Variants in RNGTT observed in about 807,000 individuals in gnomAD.
The protein encoded by RNGTT is RNA guanylyltransferase and 5'-phosphatase.
In RNGTT, 33 loss-of-function variants were observed where a neutral mutation model predicts 79.3. That is an observed-to-expected ratio of 0.42 (90% confidence interval 0.32 to 0.56). The LOEUF is 0.56. Among genes scored for constraint, RNGTT ranks in the 20% least tolerant of loss-of-function variants. RNGTT has a pLI of 0.17. For missense variants in RNGTT, 497 were observed against 739.1 expected (o/e 0.67, Z 3.80); for synonymous variants, 222 against 235.9 (o/e 0.94, Z 0.54).
chr6:88,803,928 G>A (rs1421782679), intron 11 of RNGTT, among the ~76,000 whole-genome samples: 2 of 152,108 alleles, frequency 1.3e-5, no homozygotes, highest in Non-Finnish European at 2.9e-5. Context: ...ATAAATCAGA[G>A]TATTTAAAGG....
chr6:88,729,490 C>T (rs1777036925), intron 13 of RNGTT, among the ~76,000 whole-genome samples: 1 of 151,564 alleles, frequency 6.6e-6, no homozygotes, highest in African/African-American at 2.4e-5. Context: ...AGGGGAGTAC[C>T]AGATCAATTT....
chr6:88,936,638 G>C (rs878889400), intron 2 of RNGTT, among the ~76,000 whole-genome samples: 5 of 152,118 alleles, frequency 3.3e-5, no homozygotes, highest in Admixed American at 2.6e-4. Context: ...ATGATCACAT[G>C]GTGTTTGTCC....
At chr6:88,878,420 G>A (rs543754647) in intron 8 of RNGTT, among the ~76,000 whole-genome samples, 390 of 152,048 alleles carry the variant, frequency 2.6e-3, no homozygotes, top group Non-Finnish European at 4.8e-3. Context: ...AAAAGCCCAA[G>A]TACTAGAATA....
chr6:88,925,069 T>G (rs1784276992), intron 4 of RNGTT, among the ~76,000 whole-genome samples: 1 of 151,970 alleles, frequency 6.6e-6, no homozygotes, highest in African/African-American at 2.4e-5. Flanking sequence ...TGTGGCCAAC[T>G]AGAAACTAAT....
At position 88,758,239 on chromosome 6, in the gene RNGTT, C is replaced by G. The variant is rs9451074; in HGVS notation, c.1439+11535G>C. Among the ~76,000 whole-genome samples the G allele has an allele frequency of 7.7e-3, 1,172 of 152,226 alleles. 8 individuals carry two copies. The highest frequency in any genetic ancestry group is 0.026 in the African/African-American group (1,087 of 41,538). On this transcript the variant is annotated intron_variant, in intron 13 of 15. Transcript: ENST00000369485. Reference sequence around the variant, plus strand: ...TTTGTGAATTGTTCCTTAATAATTACAATTTTTGATAAGAAATTACCAAAA... The same window carrying G: ...TTTGTGAATTGTTCCTTAATAATTAGAATTTTTGATAAGAAATTACCAAAA...
At chr6:88,713,503 A>G (rs1776389822) in intron 13 of RNGTT, among the ~76,000 whole-genome samples, 1 of 152,224 alleles carries the variant, frequency 6.6e-6, no homozygotes. Flanking sequence ...ATTATTTCAC[A>G]CAACAGTATT....
At chr6:88,945,406 G>A (rs896825464) in intron 1 of RNGTT, among the ~76,000 whole-genome samples, 6 of 152,164 alleles carry the variant, frequency 3.9e-5, no homozygotes, top group African/African-American at 9.7e-5. Flanking sequence ...AGCATTTCAT[G>A]TATCTGACAA....
chr6:88,713,674 G>A (rs892183289), intron 13 of RNGTT, among the ~76,000 whole-genome samples: 4 of 151,802 alleles, frequency 2.6e-5, no homozygotes, highest in Non-Finnish European at 4.4e-5. Context: ...TCTTTACATT[G>A]TAAAAAATTA....
intron 8 of RNGTT, among the ~76,000 whole-genome samples, chr6:88,868,519 T>C (rs1782249523): frequency 6.6e-6 from 1 of 152,212 alleles, no homozygotes; most frequent in African/African-American, 2.4e-5. Flanking sequence ...CTCATGACTT[T>C]CTTCACATTG....
rs567995117 is a variant in RNGTT, at chr6:88,895,066, C to T, written c.685-3151G>A. Among the ~76,000 whole-genome samples the T allele has an allele frequency of 2.8e-3, 425 of 151,926 alleles. 1 individual carries two copies. Among genetic ancestry groups the T allele is most frequent in the African/African-American group, 9.5e-3 (394 of 41,424 alleles). Reference sequence around the variant, plus strand: ...TCTGTTTGTGAAAATAAAGAAAAATCGAAAGTTAAAAAAGTATGTTTATAG... The same window carrying T: ...TCTGTTTGTGAAAATAAAGAAAAATTGAAAGTTAAAAAAGTATGTTTATAG... On this transcript the variant is annotated intron_variant, in intron 6 of 15. Transcript: ENST00000369485.
At chr6:88,728,144 T>C (rs892990195) in intron 13 of RNGTT, among the ~76,000 whole-genome samples, 3 of 152,228 alleles carry the variant, frequency 2.0e-5, no homozygotes, top group African/African-American at 7.2e-5. Flanking sequence ...TTTAACTCTC[T>C]CTCTTTCTTC....
chr6:88,760,984 T>TA (rs1778202564), intron 13 of RNGTT, among the ~76,000 whole-genome samples: 1 of 141,870 alleles, frequency 7.0e-6, no homozygotes, highest in African/African-American at 2.6e-5. Flanking sequence ...CAGCTCATTC[T>TA]ATTTTTTTTT....
At chr6:88,724,772 C>A (rs1421374733) in intron 13 of RNGTT, among the ~76,000 whole-genome samples, 1 of 152,180 alleles carries the variant, frequency 6.6e-6, no homozygotes, top group Non-Finnish European at 1.5e-5. Context: ...CCTCGTAAAG[C>A]AACCTTTTTC....
At chr6:88,827,945 G>T (rs1202125854) in intron 11 of RNGTT, among the ~76,000 whole-genome samples, 1 of 152,146 alleles carries the variant, frequency 6.6e-6, no homozygotes. Context: ...TGGGGGAAGG[G>T]GCAGCTATAG....
chr6:88,700,928 A>C (rs1411768085), intron 13 of RNGTT, among the ~76,000 whole-genome samples: 1 of 152,194 alleles, frequency 6.6e-6, no homozygotes, highest in Non-Finnish European at 1.5e-5. Context: ...TATTTGGAAA[A>C]TACATGATAT....
intron 13 of RNGTT, among the ~76,000 whole-genome samples, chr6:88,766,019 C>T (rs534335969): frequency 6.6e-6 from 1 of 152,270 alleles, no homozygotes; most frequent in Non-Finnish European, 1.5e-5. Context: ...AGGGAAGATG[C>T]ACTTTTAAAT....
chr6:88,624,066 C>A (rs2127766666), intron 14 of RNGTT, among the ~76,000 whole-genome samples: 1 of 151,782 alleles, frequency 6.6e-6, no homozygotes, highest in Admixed American at 6.6e-5. Context: ...TTGACAACTA[C>A]AAAATACTGA....
chr6:88,751,083 T>C (rs1270261428), intron 13 of RNGTT, among the ~76,000 whole-genome samples: 1 of 152,202 alleles, frequency 6.6e-6, no homozygotes, highest in Non-Finnish European at 1.5e-5. Flanking sequence ...GAATCAGTTA[T>C]AACTAGCACT....
intron 14 of RNGTT, among the ~76,000 whole-genome samples, chr6:88,619,099 T>C (rs1772345873): frequency 6.6e-6 from 1 of 152,192 alleles, no homozygotes; most frequent in African/African-American, 2.4e-5. Flanking sequence ...CTGAAAACTC[T>C]CAGGTTGGCT....
Sources: gnomAD v4.1 joint callset for allele counts (sites outside exome capture counted in the v4.1 genomes callset) on GRCh38, gnomAD v4.1.1 for gene constraint, MANE v1.5 for transcripts, NCBI Gene and HGNC (gene_info 2026-07-23, HGNC 2026-07-21) for gene names.